ADD3: variants seen among roughly 807,000 people sequenced by gnomAD.
ADD3 encodes the protein gamma-adducin.
ADD3 carries 25 observed loss-of-function variants against 80.2 expected under a neutral mutation model. That is an observed-to-expected ratio of 0.31 (90% CI 0.23 to 0.44). The LOEUF is 0.44. Among genes scored for constraint, ADD3 ranks in the 20% least tolerant of loss-of-function variants. ADD3 has a pLI of 1.00. For missense variants in ADD3, 829 were observed against 847.5 expected, an observed-to-expected ratio of 0.98 and a Z score of 0.27; for synonymous variants, 284 against 289.6, an observed-to-expected ratio of 0.98 and a Z score of 0.20.
At chr10:110,034,999 A>G (rs1307495143) in intron 1 of ADD3, among the ~76,000 whole-genome samples, 1 of 152,212 alleles carries the variant, frequency 6.6e-6, no homozygotes, top group African/African-American at 2.4e-5. Flanking sequence ...TTTGCCATTA[A>G]CCCTCAAACC....
intron 1 of ADD3, among the ~76,000 whole-genome samples, chr10:110,083,842 A>G (rs972894088): frequency 6.6e-6 from 1 of 152,186 alleles, no homozygotes; most frequent in Non-Finnish European, 1.5e-5. Flanking sequence ...CTACCTTTTA[A>G]AGGTTTAAAA....
intron 1 of ADD3, among the ~76,000 whole-genome samples, chr10:110,074,064 C>T (rs1845100708): frequency 6.6e-6 from 1 of 152,138 alleles, no homozygotes; most frequent in Admixed American, 6.5e-5. Flanking sequence ...AATAGTTATA[C>T]CACATTTCTA....
At chr10:110,076,355 C>T (rs1845377161) in intron 1 of ADD3, among the ~76,000 whole-genome samples, 1 of 151,942 alleles carries the variant, frequency 6.6e-6, no homozygotes, top group African/African-American at 2.4e-5. Flanking sequence ...AAATAAAATT[C>T]CTACAAAATT....
At position 110,048,833 on chromosome 10, in the gene ADD3, C is replaced by T. The variant is rs1857179806; in HGVS notation, c.-30+40534C>T. On this transcript the variant is annotated intron_variant, in intron 1 of 14. Transcript: ENST00000356080. ...GATAGAAAAGGAAAAGCCATTTTCTCCAGGAGAAATTCAAGCTGGCTGCAG... is the reference window on the plus strand; with the variant it reads ...GATAGAAAAGGAAAAGCCATTTTCTTCAGGAGAAATTCAAGCTGGCTGCAG... Among the ~76,000 whole-genome samples the T allele has an allele frequency of 2.6e-5, 4 of 152,144 alleles. No individual in the cohort carries two copies. In the South Asian group the frequency reaches 8.3e-4, roughly 31 times the overall value.
chr10:110,058,462 A>G (rs1459652372), intron 1 of ADD3, among the ~76,000 whole-genome samples: 1 of 152,144 alleles, frequency 6.6e-6, no homozygotes, highest in Non-Finnish European at 1.5e-5. Flanking sequence ...TCTAATGTGT[A>G]CCATCTGATT....
intron 1 of ADD3, among the ~76,000 whole-genome samples, chr10:110,018,272 AATC>A (rs1182216363): frequency 6.6e-6 from 1 of 152,186 alleles, no homozygotes; most frequent in Non-Finnish European, 1.5e-5. Context: ...CAACGCCTGT[AATC>A]CCAGCACTTT....
At chr10:110,104,172 A>C (rs562671856) in intron 2 of ADD3, among the ~76,000 whole-genome samples, 1 of 152,294 alleles carries the variant, frequency 6.6e-6, no homozygotes, top group Admixed American at 6.5e-5. Context: ...ATCCCTCTTC[A>C]AAAAGGAGAA....
At position 110,122,303 on chromosome 10, in the gene ADD3, A is replaced by C. The variant is rs1564658173; in HGVS notation, c.1143+11A>C. 2.5e-6 allele frequency: 4 copies of C among 1,608,466 alleles called. No homozygotes were observed. The highest frequency in any genetic ancestry group is 4.5e-5 in the East Asian group (2 of 44,836). On this transcript the variant is annotated intron_variant, in intron 9 of 14. Coordinates refer to ENST00000356080, the MANE Select transcript of ADD3 (RefSeq NM_016824.5). The stretch of plus-strand genomic sequence containing the variant: ...ACTCTGGACAACTTGGTAGGTTGCA[A>C]AATTGAAGTAAAACTTGGATTTAAT...
chr10:110,019,991 C>T lies in ADD3; in HGVS notation c.-30+11692C>T, dbSNP rs145710152. 4.2e-3 allele frequency among the ~76,000 whole-genome samples: 643 copies of T among 152,272 alleles called. 6 individuals are homozygous for T. Among genetic ancestry groups the T allele is most frequent in the African/African-American group, 0.015 (608 of 41,560 alleles). Reference sequence around the variant, plus strand: ...CAAAGGACAGATTCTTTCCAAAATACGTGAAATGAGCAAGGATAGCAACTT... The same window carrying T: ...CAAAGGACAGATTCTTTCCAAAATATGTGAAATGAGCAAGGATAGCAACTT... On this transcript the variant is annotated intron_variant, in intron 1 of 14. Transcript: ENST00000356080.
At chr10:110,091,681 C>T (rs948909166) in intron 1 of ADD3, among the ~76,000 whole-genome samples, 1 of 152,088 alleles carries the variant, frequency 6.6e-6, no homozygotes, top group African/African-American at 2.4e-5. Context: ...ACTATAAACT[C>T]TAGGAGAAAA....
chr10:110,126,004 C>A, intron 11 of ADD3, 59 bp downstream of exon 11: 3 of 1,508,334 alleles, frequency 2.0e-6, no homozygotes, highest in South Asian at 2.6e-5. Flanking sequence ...GTTTAAATCA[C>A]CAGTGGTTGA....
intron 1 of ADD3, among the ~76,000 whole-genome samples, chr10:110,060,627 T>C (rs546315247): frequency 2.6e-4 from 39 of 152,352 alleles, no homozygotes; most frequent in African/African-American, 7.7e-4. Context: ...CCTAAAAATC[T>C]TTGCCACTGG....
chr10:110,110,836 A>G (rs960487750), intron 2 of ADD3, among the ~76,000 whole-genome samples: 1 of 151,954 alleles, frequency 6.6e-6, no homozygotes, highest in Non-Finnish European at 1.5e-5. Context: ...CTCTACTAAA[A>G]CTACAAAAAT....
At chr10:110,013,779 G>T (rs1255317744) in intron 1 of ADD3, among the ~76,000 whole-genome samples, 1 of 152,208 alleles carries the variant, frequency 6.6e-6, no homozygotes, top group Non-Finnish European at 1.5e-5. Flanking sequence ...AAAGAGGAGA[G>T]TGCTGATGTG....
In ADD3 at chr10:110,096,284, C is replaced by G. The variant is rs947764258; in HGVS notation, c.-29-4341C>G. On this transcript the variant is annotated intron_variant, in intron 1 of 14. Transcript: ENST00000356080. ...TAACACATTCTTGTTAGTTTGTGCTCTCATTATGCAACATAACCCTCTCTC... is the reference window on the plus strand; with the variant it reads ...TAACACATTCTTGTTAGTTTGTGCTGTCATTATGCAACATAACCCTCTCTC... Among the ~76,000 whole-genome samples the G allele has an allele frequency of 2.0e-5, 3 of 152,252 alleles. No homozygotes were observed. The East Asian group carries it at 5.8e-4, about 29-fold the overall frequency.
chr10:110,045,425 TTTTGA>T (rs1456684353), intron 1 of ADD3, among the ~76,000 whole-genome samples: 2 of 152,222 alleles, frequency 1.3e-5, no homozygotes, highest in Non-Finnish European at 2.9e-5. Flanking sequence ...TATTTAGCAC[TTTTGA>T]GCTATAATAT....
rs747577326 is a variant in ADD3 at position 110,119,581 on chromosome 10, C to T, written c.960+17C>T. 3.1e-6 allele frequency: 5 copies of T among 1,593,100 alleles called. No individual in the cohort carries two copies. Among genetic ancestry groups the T allele is most frequent in the Non-Finnish European group, 8.6e-7 (1 of 1,163,754 alleles). ...GAGATTCAGGTAGGAAACATTATTCCCCTTTTTTAATTGCTTTGTTATTTG... is the reference window on the plus strand; with the variant it reads ...GAGATTCAGGTAGGAAACATTATTCTCCTTTTTTAATTGCTTTGTTATTTG... On this transcript the variant is annotated intron_variant, in intron 8 of 14. Coordinates refer to ENST00000356080, the MANE Select transcript of ADD3 (RefSeq NM_016824.5).
At chr10:110,021,360 A>G (rs914237546) in intron 1 of ADD3, among the ~76,000 whole-genome samples, 1 of 152,224 alleles carries the variant, frequency 6.6e-6, no homozygotes, top group Non-Finnish European at 1.5e-5. Flanking sequence ...AGCACTTCTC[A>G]TAGGTATATA....
chr10:110,094,526 T>G (rs949662422), intron 1 of ADD3, among the ~76,000 whole-genome samples: 14 of 152,190 alleles, frequency 9.2e-5, no homozygotes, highest in Non-Finnish European at 2.1e-4. Context: ...TAGTGCCATC[T>G]GTATTACTCA....
Sources: gnomAD v4.1 joint callset for allele counts (sites outside exome capture counted in the v4.1 genomes callset) on GRCh38, gnomAD v4.1.1 for gene constraint, MANE v1.5 for transcripts, NCBI Gene and HGNC (gene_info 2026-07-23, HGNC 2026-07-21) for gene names.